Variants in MAMDC2 observed in about 807,000 individuals in gnomAD.
MAMDC2 encodes the protein MAM domain-containing protein 2.
MAMDC2 carries 57 observed loss-of-function variants against 89.8 expected under a neutral mutation model. The observed-to-expected ratio is 0.63, with a 90% confidence interval of 0.51 to 0.79. MAMDC2 has a LOEUF of 0.79. Among genes scored for constraint, MAMDC2 ranks in the 30% least tolerant of loss-of-function variants. The pLI, the probability that MAMDC2 is intolerant of heterozygous loss-of-function variation, is 0.00. For missense variants in MAMDC2, 800 were observed against 820.6 expected (o/e 0.97, Z 0.31); for synonymous variants, 313 against 293.4 (o/e 1.07, Z -0.68).
Position 70,131,751 on chromosome 9 carries a change from T to A in MAMDC2, c.994+139T>A. 11 of 678,126 alleles carry A rather than the reference T, an allele frequency of 1.6e-5. No individual in the cohort carries two copies. The South Asian group carries it at 2.0e-4, about 13-fold the overall frequency. 42.0% of individuals were successfully genotyped at this position (678,126 alleles called of 1,614,324 possible). A position where few individuals can be genotyped will look rare whatever the true frequency, so the allele number is the denominator to read the frequency against. On this transcript the variant is annotated intron_variant, in intron 7 of 13. Coordinates refer to ENST00000377182, the MANE Select transcript of MAMDC2 (RefSeq NM_153267.5). ...CCTTAAAAAATTATTTAATCAAAGG[T>A]CATTTTTCTGGAATATTACTCTCTT...
intron 11 of MAMDC2, among the ~76,000 whole-genome samples, chr9:70,199,538 T>A (rs934756581): frequency 6.9e-6 from 1 of 144,052 alleles, no homozygotes; most frequent in Non-Finnish European, 1.5e-5. Flanking sequence ...TATAGCAGCA[T>A]GATTTATAGT....
At chr9:70,169,173 A>C (rs1490980906) in intron 10 of MAMDC2, among the ~76,000 whole-genome samples, 1 of 152,234 alleles carries the variant, frequency 6.6e-6, no homozygotes, top group African/African-American at 2.4e-5. Flanking sequence ...ATATTAATGA[A>C]ATTTTTATTT....
chr9:70,136,173 ACT>A (rs2031000855), intron 7 of MAMDC2, among the ~76,000 whole-genome samples: 1 of 151,154 alleles, frequency 6.6e-6, no homozygotes. Flanking sequence ...CAAACAAAAA[ACT>A]CTCTATGTTT....
At chr9:70,104,269 A>C (rs1828275695) in intron 2 of MAMDC2, among the ~76,000 whole-genome samples, 1 of 152,210 alleles carries the variant, frequency 6.6e-6, no homozygotes, top group African/African-American at 2.4e-5. Flanking sequence ...CAATTCACTA[A>C]AATTAAAAAA....
chr9:70,103,820 A>G (rs1329359960), intron 2 of MAMDC2, among the ~76,000 whole-genome samples: 2 of 151,936 alleles, frequency 1.3e-5, no homozygotes, highest in African/African-American at 4.8e-5. Context: ...CGTCTGTACT[A>G]AAATACAAAA....
At chr9:70,177,218 G>A (rs1264916791) in intron 11 of MAMDC2, among the ~76,000 whole-genome samples, 2 of 151,964 alleles carry the variant, frequency 1.3e-5, no homozygotes, top group African/African-American at 4.8e-5. Context: ...CTTGCACTTT[G>A]GGGCCATAAT....
At chr9:70,059,230 G>C (rs756939300) in intron 2 of MAMDC2, among the ~76,000 whole-genome samples, 11 of 152,174 alleles carry the variant, frequency 7.2e-5, no homozygotes, top group Non-Finnish European at 1.3e-4. Context: ...AGAGGAGTGA[G>C]ATCAGTCTTC....
At chr9:70,152,903 C>G (rs2031628816) in intron 9 of MAMDC2, among the ~76,000 whole-genome samples, 1 of 152,158 alleles carries the variant, frequency 6.6e-6, no homozygotes, top group African/African-American at 2.4e-5. Context: ...ATAGTACCCA[C>G]ACATATCATT....
intron 9 of MAMDC2, among the ~76,000 whole-genome samples, chr9:70,162,906 C>T (rs1293742182): frequency 2.5e-5 from 1 of 40,742 alleles, no homozygotes. Context: ...CAACCACCCC[C>T]CTCAAAAAAA....
At chr9:70,060,349 C>T (rs537115456) in intron 2 of MAMDC2, among the ~76,000 whole-genome samples, 1 of 152,246 alleles carries the variant, frequency 6.6e-6, no homozygotes, top group Non-Finnish European at 1.5e-5. Context: ...CCTTGTCAGG[C>T]TTTTTTAAAT....
At chr9:70,204,918 G>A (rs1043348298) in intron 11 of MAMDC2, among the ~76,000 whole-genome samples, 7 of 152,132 alleles carry the variant, frequency 4.6e-5, no homozygotes, top group African/African-American at 1.7e-4. Flanking sequence ...TTCAGCTCGC[G>A]CATGGTGCGC....
In MAMDC2 at chr9:70,126,228, T is replaced by C. The variant is rs767176602; in HGVS notation, c.713T>C (p.Leu238Ser). ...GAGGTGGCACAGCTCATCTCCCCGT[T>C]GACCACGGCCCCCATGGCTGGCTGC... The part of the protein sequence containing the change: ...FQEVAQLISP[L>S]TTAPMAGCLS... The change falls in exon 6 of 14, where the codon TTG becomes TCG. Residue 238 changes from leucine to serine, a missense_variant. Leu to Ser is a moderately radical substitution (Grantham distance 145). Transcript: ENST00000377182. 7 of 1,614,168 alleles carry C rather than the reference T, an allele frequency of 4.3e-6. No homozygotes were observed. In the South Asian group the frequency reaches 6.6e-5, roughly 15 times the overall value.
intron 2 of MAMDC2, chr9:70,086,803 A>C (rs1236778193): frequency 6.6e-6 from 1 of 152,120 alleles, no homozygotes; most frequent in Non-Finnish European, 1.5e-5. Flanking sequence ...TTCAATTTAG[A>C]CTTTAATATA....
At chr9:70,124,257 G>A (rs2030423900) in intron 5 of MAMDC2, among the ~76,000 whole-genome samples, 1 of 152,072 alleles carries the variant, frequency 6.6e-6, no homozygotes, top group Non-Finnish European at 1.5e-5. Context: ...TCTGTTTCTC[G>A]ATGTGGGGGA....
chr9:70,145,137 A>G (rs4744983), intron 9 of MAMDC2, among the ~76,000 whole-genome samples: 18,014 of 152,234 alleles, frequency 0.12, 1,173 homozygotes, highest in African/African-American at 0.16. Context: ...TTTTACCACA[A>G]TCTTACAGAA....
chr9:70,162,017 G>A (rs1196251201), intron 9 of MAMDC2, among the ~76,000 whole-genome samples: 1 of 152,186 alleles, frequency 6.6e-6, no homozygotes, highest in Non-Finnish European at 1.5e-5. Context: ...GGTAAGTTAT[G>A]ATATTGTTGG....
At chr9:70,124,812 T>G (rs1176215005) in intron 5 of MAMDC2, among the ~76,000 whole-genome samples, 1 of 152,178 alleles carries the variant, frequency 6.6e-6, no homozygotes, top group Non-Finnish European at 1.5e-5. Context: ...CTCAAGTGAT[T>G]CTCCTGCCTC....
intron 6 of MAMDC2, among the ~76,000 whole-genome samples, chr9:70,127,290 C>T (rs1030878958): frequency 6.6e-6 from 1 of 152,104 alleles, no homozygotes; most frequent in African/African-American, 2.4e-5. Flanking sequence ...CAGAGAACTC[C>T]GTAACTAAGT....
chr9:70,210,914 T>C (rs907255118), intron 11 of MAMDC2, among the ~76,000 whole-genome samples: 1 of 152,216 alleles, frequency 6.6e-6, no homozygotes, highest in African/African-American at 2.4e-5. Context: ...GATATGAAAT[T>C]CTGGGTTGAA....
Sources: gnomAD v4.1 joint callset for allele counts (sites outside exome capture counted in the v4.1 genomes callset) on GRCh38, gnomAD v4.1.1 for gene constraint, MANE v1.5 for transcripts, NCBI Gene and HGNC (gene_info 2026-07-23, HGNC 2026-07-21) for gene names.